Variants in CLASP1 observed in about 807,000 individuals in gnomAD.
CLASP1 encodes the protein CLIP-associating protein 1.
In CLASP1, 38 loss-of-function variants were observed where a neutral mutation model predicts 192.3. That is an observed-to-expected ratio of 0.20 (90% CI 0.15 to 0.26). The LOEUF (loss-of-function observed/expected upper bound fraction) is 0.26. Among genes scored for constraint, CLASP1 ranks in the 10% least tolerant of loss-of-function variants. The probability of loss-of-function intolerance (pLI) is 1.00; values close to 1 mark genes in which losing one functional copy is unlikely to be tolerated. For missense variants in CLASP1, 1,433 were observed against 1,932.5 expected, an observed-to-expected ratio of 0.74 and a Z score of 4.85; for synonymous variants, 691 against 712.8, an observed-to-expected ratio of 0.97 and a Z score of 0.49.
At chr2:121,423,708 G>C (rs750856030) in intron 22 of CLASP1, among the ~76,000 whole-genome samples, 6 of 152,116 alleles carry the variant, frequency 3.9e-5, no homozygotes, top group Non-Finnish European at 7.4e-5. Flanking sequence ...TTCTATGATT[G>C]TATCCACATC....
intron 35 of CLASP1, among the ~76,000 whole-genome samples, chr2:121,367,099 G>A (rs2067554653): frequency 6.6e-6 from 1 of 152,218 alleles, no homozygotes; most frequent in Admixed American, 6.5e-5. Flanking sequence ...CACAGCTCCA[G>A]GGAGACCTGG....
chr2:121,338,244 A>G (rs1272279141), exon 40 of CLASP1: 2 of 152,266 alleles, frequency 1.3e-5, no homozygotes, highest in Admixed American at 1.3e-4. Context: ...AGTGAGGCGC[A>G]TAGAAAAGGC....
intron 37 of CLASP1, among the ~76,000 whole-genome samples, chr2:121,349,990 T>C (rs1301363941): frequency 2.0e-5 from 3 of 152,182 alleles, no homozygotes; most frequent in Non-Finnish European, 4.4e-5. Flanking sequence ...GTACTCAAGA[T>C]ATAGTCAGTA....
chr2:121,533,509 G>T (rs1475742059), intron 2 of CLASP1, among the ~76,000 whole-genome samples: 1 of 152,070 alleles, frequency 6.6e-6, no homozygotes, highest in African/African-American at 2.4e-5. Flanking sequence ...ACGTGGTAAG[G>T]GTACTTTTTT....
chr2:121,590,606 A>G (rs2105739619), intron 2 of CLASP1, among the ~76,000 whole-genome samples: 1 of 152,306 alleles, frequency 6.6e-6, no homozygotes, highest in Non-Finnish European at 1.5e-5. Context: ...GAGTGATTTT[A>G]ATTTTTTCAT....
chr2:121,598,565 G>T (rs2063411826), intron 2 of CLASP1, among the ~76,000 whole-genome samples: 1 of 152,198 alleles, frequency 6.6e-6, no homozygotes, highest in African/African-American at 2.4e-5. Context: ...TATGAAAGCA[G>T]CACTATCCAG....
At chr2:121,406,108 T>C (rs192445755) in intron 25 of CLASP1, among the ~76,000 whole-genome samples, 204 of 152,350 alleles carry the variant, frequency 1.3e-3, no homozygotes, top group African/African-American at 4.9e-3. Context: ...AATTGAGTCA[T>C]CTTATAATCA....
chr2:121,634,097 T>A lies in CLASP1; in HGVS notation c.-286+15275A>T, dbSNP rs182178855. On this transcript the variant is annotated intron_variant, in intron 1 of 39. Coordinates refer to ENST00000263710, the Ensembl canonical transcript of CLASP1. ...CAGGCCAAAATAGGAAGGGACCACA[T>A]CTCTTTCCCCAACCCCAGCTTAGGA... Among the ~76,000 whole-genome samples, 319 of 151,944 alleles carry A rather than the reference T, an allele frequency of 2.1e-3. 4 individuals are homozygous for A. Among genetic ancestry groups the A allele is most frequent in the Non-Finnish European group, 5.6e-4 (38 of 67,966 alleles).
intron 37 of CLASP1, among the ~76,000 whole-genome samples, chr2:121,362,069 AGACG>A: frequency 6.6e-6 from 1 of 152,366 alleles, no homozygotes; most frequent in South Asian, 2.1e-4. Context: ...CTCTCTATGT[AGACG>A]GAAGAATTGT....
intron 2 of CLASP1, among the ~76,000 whole-genome samples, chr2:121,599,404 A>G (rs1278772573): frequency 6.7e-6 from 1 of 149,948 alleles, no homozygotes; most frequent in Non-Finnish European, 1.5e-5. Context: ...CCTGGCCAAT[A>G]TGGTAAAACC....
At chr2:121,460,044 C>A (rs755079316) in exon 12 of CLASP1, 18 of 1,613,672 alleles carry the variant, frequency 1.1e-5, no homozygotes, top group Non-Finnish European at 1.5e-5. Context: ...AGTTTAAAGG[C>A]TCCATCCAAA....
intron 22 of CLASP1, among the ~76,000 whole-genome samples, chr2:121,419,227 G>A (rs1044063880): frequency 2.6e-5 from 4 of 152,070 alleles, no homozygotes; most frequent in African/African-American, 9.7e-5. Context: ...TAAGGAAGAG[G>A]GCTCACTGCT....
At chr2:121,388,308 A>G (rs1320321299) in intron 30 of CLASP1, among the ~76,000 whole-genome samples, 1 of 152,224 alleles carries the variant, frequency 6.6e-6, no homozygotes, top group Non-Finnish European at 1.5e-5. Context: ...GAAAGCACAT[A>G]TTTTTAAACA....
At chr2:121,403,661 T>C (rs2076465841) in intron 26 of CLASP1, 3 of 444,730 alleles carry the variant, frequency 6.7e-6, no homozygotes, top group African/African-American at 2.0e-5. Flanking sequence ...AACAATAGTA[T>C]TTAAAATCTA....
chr2:121,445,371 AAGAAGCTCAG>A, intron 19 of CLASP1: 2 of 870,246 alleles, frequency 2.3e-6, no homozygotes. Flanking sequence ...AGAGCCAAGT[AAGAAGCTCAG>A]AGAAGCTTGC....
At chr2:121,592,425 T>C (rs1222709753) in intron 2 of CLASP1, among the ~76,000 whole-genome samples, 1 of 152,240 alleles carries the variant, frequency 6.6e-6, no homozygotes, top group Non-Finnish European at 1.5e-5. Flanking sequence ...CTAAGTAACA[T>C]TAATTTTAAA....
chr2:121,491,850 A>C (rs1046921645), intron 8 of CLASP1, among the ~76,000 whole-genome samples: 4 of 152,226 alleles, frequency 2.6e-5, no homozygotes, highest in African/African-American at 9.6e-5. Context: ...TTACGCTTTT[A>C]AAAATTAAGT....
rs1054755206 is a variant in CLASP1 at position 121,638,862 on chromosome 2, T to A, written c.-286+10510A>T. 1.5e-3 allele frequency among the ~76,000 whole-genome samples: 227 copies of A among 151,090 alleles called. 1 individual carries two copies. Among genetic ancestry groups the A allele is most frequent in the African/African-American group, 5.4e-3 (222 of 41,230 alleles). ...TTTTGTATATTTAGTAGAGACAGGGTTTCACCATGTTGGTCAGGCTGGTCT... is the reference window on the plus strand; with the variant it reads ...TTTTGTATATTTAGTAGAGACAGGGATTCACCATGTTGGTCAGGCTGGTCT... On this transcript the variant is annotated intron_variant, in intron 1 of 39. Coordinates refer to ENST00000263710, the Ensembl canonical transcript of CLASP1.
intron 13 of CLASP1, 21 bp from the exon 14 acceptor site, chr2:121,457,778 CAG>C: frequency 1.3e-6 from 2 of 1,582,142 alleles, no homozygotes; most frequent in Non-Finnish European, 1.7e-6. Context: ...CAACAAAAAA[CAG>C]AGGTCAACAC....
Sources: allele counts gnomAD v4.1 joint callset (sites outside exome capture counted in the v4.1 genomes callset), GRCh38; gene constraint gnomAD v4.1.1; transcripts MANE v1.5; gene names NCBI Gene and HGNC (gene_info 2026-07-23, HGNC 2026-07-21).